SCN8A: variants seen among roughly 807,000 people sequenced by gnomAD.
SCN8A encodes sodium voltage-gated channel alpha subunit 8.
A neutral mutation model predicts 184.1 loss-of-function variants in SCN8A; 30 were observed. The observed-to-expected ratio is 0.16, with a 90% CI of 0.12 to 0.22. The LOEUF (loss-of-function observed/expected upper bound fraction) is 0.22, where lower values mean the gene tolerates loss of function less well. Ranked by LOEUF, SCN8A falls within the 10% of genes least tolerant of loss-of-function variation. The pLI is 1.00. For missense variants in SCN8A, 1,057 were observed against 2,498.9 expected, an observed-to-expected ratio of 0.42 and a Z score of 12.30; for synonymous variants, 852 against 907.0, an observed-to-expected ratio of 0.94 and a Z score of 1.09.
At chr12:51,623,600 C>CA (rs1940010409) in intron 1 of SCN8A, among the ~76,000 whole-genome samples, 1 of 152,110 alleles carries the variant, frequency 6.6e-6, no homozygotes, top group East Asian at 1.9e-4. Flanking sequence ...AGTTGTCAGT[C>CA]AAAACACTAT....
In SCN8A at chr12:51,630,431, ATG is replaced by A. The variant is rs556284254; in HGVS notation, c.-54-32329_-54-32328del. ...CTTCAAGGGTGATCGATGTTGTAGC[ATG>A]TGTCATGATTTCCTTCCTTTTTGAG... On this transcript the variant is annotated intron_variant, in intron 1 of 26. Coordinates refer to ENST00000627620, the MANE Select transcript of SCN8A (RefSeq NM_001330260.2). 1.9e-3 allele frequency among the ~76,000 whole-genome samples: 291 copies of A among 152,210 alleles called. 1 individual carries two copies. Among genetic ancestry groups the A allele is most frequent in the African/African-American group, 6.9e-3 (286 of 41,548 alleles).
At chr12:51,783,047 G>T (rs750451538) in intron 21 of SCN8A, among the ~76,000 whole-genome samples, 4 of 152,142 alleles carry the variant, frequency 2.6e-5, no homozygotes, top group Non-Finnish European at 5.9e-5. Context: ...AACAATAAAT[G>T]CATTAAGGGA....
At chr12:51,617,843 T>C (rs1939873604) in intron 1 of SCN8A, among the ~76,000 whole-genome samples, 1 of 152,202 alleles carries the variant, frequency 6.6e-6, no homozygotes, top group African/African-American at 2.4e-5. Context: ...TGCCATTCTA[T>C]TTCTGTTTAT....
intron 14 of SCN8A, among the ~76,000 whole-genome samples, chr12:51,758,881 G>A (rs1164167779): frequency 6.6e-6 from 1 of 152,034 alleles, no homozygotes; most frequent in Admixed American, 6.5e-5. Flanking sequence ...TTATCCAAGG[G>A]GGATACATTC....
chr12:51,686,557 G>A lies in SCN8A; in HGVS notation c.485+100G>A. 6 of 743,154 alleles carry A rather than the reference G, an allele frequency of 8.1e-6. No individual in the cohort carries two copies. The South Asian group carries it at 1.0e-4, about 12-fold the overall frequency. The allele number at this position is 743,154 out of a possible 1,614,324, so 46.0% of individuals were successfully genotyped here. ...TACCCATCAAGGAGAAAAAAAATTA[G>A]TTATTGCCTCTCTTTATTTCACAGA... On this transcript the variant is annotated intron_variant, in intron 4 of 26. Transcript: ENST00000627620.
intron 12 of SCN8A, among the ~76,000 whole-genome samples, chr12:51,740,812 T>A (rs972057513): frequency 6.6e-6 from 1 of 152,180 alleles, no homozygotes; most frequent in Non-Finnish European, 1.5e-5. Flanking sequence ...TGAGACAAGG[T>A]CTTGCTCTGT....
chr12:51,738,957 G>A (rs1942373256), intron 12 of SCN8A, among the ~76,000 whole-genome samples: 1 of 152,186 alleles, frequency 6.6e-6, no homozygotes, highest in African/African-American at 2.4e-5. Flanking sequence ...AGCTGGAAAT[G>A]CCCTGGTTTA....
Position 51,710,223 on chromosome 12 carries a change from T to G in SCN8A, c.1635+3508T>G, listed in dbSNP as rs139723557. Among the ~76,000 whole-genome samples the G allele has an allele frequency of 1.1e-3, 163 of 152,274 alleles. 1 individual carries two copies. Among genetic ancestry groups the G allele is most frequent in the Non-Finnish European group, 1.1e-3 (74 of 68,010 alleles). ...GGAATTCATAGCATTCCCCATCCCC[T>G]TAGTACGGTTACAACCTATGTGTTC... On this transcript the variant is annotated intron_variant, in intron 11 of 26. Transcript: ENST00000627620.
rs1397019811 is a variant in SCN8A at position 51,694,776 on chromosome 12, T to C, written c.707-4794T>C. ...TGATGGCATTCTACATTCTGGCTTG[T>C]GTCAGGTCAGGAATTCTACTAACAA... is the stretch of plus-strand genomic sequence containing the variant. On this transcript the variant is annotated intron_variant, in intron 6 of 26. Transcript: ENST00000627620. Among the ~76,000 whole-genome samples the C allele has an allele frequency of 3.9e-5, 6 of 152,362 alleles. No homozygotes were observed. In the East Asian group the frequency reaches 1.2e-3, roughly 29 times the overall value.
At chr12:51,672,916 T>G (rs1941157690) in intron 2 of SCN8A, among the ~76,000 whole-genome samples, 3 of 152,234 alleles carry the variant, frequency 2.0e-5, no homozygotes, top group Admixed American at 2.0e-4. Flanking sequence ...TCAACTAATA[T>G]GTGGTAGAGT....
At chr12:51,725,830 A>G (rs923291928) in intron 12 of SCN8A, among the ~76,000 whole-genome samples, 1 of 152,208 alleles carries the variant, frequency 6.6e-6, no homozygotes, top group Admixed American at 6.5e-5. Context: ...GAAAATTAAT[A>G]CCTCTTGGGG....
intron 1 of SCN8A, among the ~76,000 whole-genome samples, chr12:51,595,074 TAATC>T (rs1170767225): frequency 3.9e-5 from 6 of 152,220 alleles, no homozygotes; most frequent in African/African-American, 1.2e-4. Context: ...AACCTTTTCT[TAATC>T]AATGAATCAA....
At chr12:51,662,106 G>C (rs887409665) in intron 1 of SCN8A, among the ~76,000 whole-genome samples, 4 of 152,194 alleles carry the variant, frequency 2.6e-5, no homozygotes, top group Non-Finnish European at 5.9e-5. Flanking sequence ...TGCTAAGCAG[G>C]TGGCACTTAG....
intron 1 of SCN8A, among the ~76,000 whole-genome samples, chr12:51,606,884 T>A (rs117069829): frequency 0.02 from 2,959 of 151,336 alleles, 53 homozygotes; most frequent in Non-Finnish European, 0.032. Flanking sequence ...GGTTGAGTTT[T>A]TATATATATT....
intron 1 of SCN8A, among the ~76,000 whole-genome samples, chr12:51,652,671 G>A (rs950074589): frequency 4.6e-5 from 7 of 152,078 alleles, no homozygotes; most frequent in Non-Finnish European, 2.9e-5. Context: ...TTCCTGCAAA[G>A]CTCTACCCAT....
At chr12:51,616,918 CAAA>C (rs200949853) in intron 1 of SCN8A, among the ~76,000 whole-genome samples, 1 of 107,368 alleles carries the variant, frequency 9.3e-6, no homozygotes. Context: ...GACCCTGTCT[CAAA>C]AAAAAAAAAA....
intron 1 of SCN8A, among the ~76,000 whole-genome samples, chr12:51,646,167 T>C (rs935947353): frequency 3.9e-5 from 6 of 152,044 alleles, no homozygotes; most frequent in Non-Finnish European, 7.4e-5. Flanking sequence ...AATTATATCT[T>C]AAAAGTCACT....
At chr12:51,686,173 A>C (rs1418002919) in intron 3 of SCN8A, among the ~76,000 whole-genome samples, 195 bp from the exon 4 acceptor site, 2 of 152,192 alleles carry the variant, frequency 1.3e-5, no homozygotes, top group Non-Finnish European at 2.9e-5. Flanking sequence ...TTCCCCATCC[A>C]TCCACAGTTC....
chr12:51,807,388 A>G lies in SCN8A; in HGVS notation c.5902A>G (p.Arg1968Gly). Residue 1968 changes from arginine to glycine, a missense_variant, in exon 27 of 27, where the codon AGA (arginine) becomes GGA (glycine). This residue lies in a region of SCN8A where 95 missense variants were observed against 140.2 expected (regional missense o/e 0.68). Transcript: ENST00000627620. This position sits in a 1 kb window ranked among gnomAD's most constrained non-coding sequence, Gnocchi z 4.5. ...GCGGGCAGAGGAAGGAAGAAGGGAA[A>G]GAGCCAAAAGACAAAAAGAGGTCAG... ...QQRAEEGRRE[R>G]AKRQKEVRES... 1.2e-6 allele frequency: 2 copies of G among 1,612,904 alleles called. No individual in the cohort carries two copies. Among genetic ancestry groups the G allele is most frequent in the Non-Finnish European group, 1.7e-6 (2 of 1,179,282 alleles).
Sources: gnomAD v4.1 joint callset for allele counts (sites outside exome capture counted in the v4.1 genomes callset) on GRCh38, gnomAD v4.1.1 for gene constraint, gnomAD v4.1.1 regional missense constraint, Gnocchi (gnomAD v3.1) non-coding constraint, MANE v1.5 for transcripts, NCBI Gene and HGNC (gene_info 2026-07-23, HGNC 2026-07-21) for gene names.